The following SGCZ variants were observed in gnomAD, a reference collection of about 807,000 sequenced individuals.
The protein encoded by SGCZ is sarcoglycan zeta.
SGCZ carries 40 observed loss-of-function variants against 41.3 expected under a neutral mutation model. The observed-to-expected ratio is 0.97, with a 90% CI of 0.75 to 1.26. The LOEUF is 1.26. Among genes scored for constraint, SGCZ ranks in the 50% most tolerant of loss-of-function variants. SGCZ has a pLI of 0.00. For synonymous variants in SGCZ, 206 were observed against 137.5 expected, an observed-to-expected ratio of 1.50 and a Z score of -3.49; for missense variants, 552 against 369.8, an observed-to-expected ratio of 1.49 and a Z score of -4.04.
chr8:15,121,694 C>G (rs1807483132), intron 1 of SGCZ, among the ~76,000 whole-genome samples: 1 of 152,108 alleles, frequency 6.6e-6, no homozygotes, highest in Non-Finnish European at 1.5e-5. Flanking sequence ...CAGACACTCT[C>G]AAGTGAGGCT....
At position 14,955,734 on chromosome 8, in the gene SGCZ, G is replaced by T. The variant is rs1332956156; in HGVS notation, c.39+281851C>A. On this transcript the variant is annotated intron_variant, in intron 1 of 7. Transcript: ENST00000382080. ...ATCAAGACCTTTTTTTTCATTCACA[G>T]AAGTTTTCTAAATATTTTGGATATA... Among the ~76,000 whole-genome samples the T allele has an allele frequency of 3.9e-5, 6 of 151,964 alleles. No individual in the cohort carries two copies. In the East Asian group the frequency reaches 1.2e-3, roughly 29 times the overall value.
At position 15,070,746 on chromosome 8, in the gene SGCZ, G is replaced by A. The variant is rs191634728; in HGVS notation, c.39+166839C>T. Among the ~76,000 whole-genome samples, 10 of 152,250 alleles carry A rather than the reference G, an allele frequency of 6.6e-5. No homozygotes were observed. In the East Asian group the frequency reaches 1.5e-3, roughly 23 times the overall value. ...ACAGTTAACTTCTTTTAACTCCTTG[G>A]AAATACAAACAGGATATAGTCTTCT... On this transcript the variant is annotated intron_variant, in intron 1 of 7. Coordinates refer to ENST00000382080, the MANE Select transcript of SGCZ (RefSeq NM_139167.4).
At chr8:14,653,775 A>G (rs1223028406) in intron 1 of SGCZ, among the ~76,000 whole-genome samples, 1 of 152,056 alleles carries the variant, frequency 6.6e-6, no homozygotes, top group Non-Finnish European at 1.5e-5. Flanking sequence ...GAAAATCTCT[A>G]TCCAAAGTTA....
chr8:14,690,244 T>G (rs564691127), intron 1 of SGCZ: 9 of 152,166 alleles, frequency 5.9e-5, no homozygotes, highest in Admixed American at 3.3e-4. Context: ...ATAATTCGTA[T>G]ATCTTAAGTA....
At chr8:14,439,775 C>T (rs1197475023) in intron 2 of SGCZ, among the ~76,000 whole-genome samples, 2 of 151,876 alleles carry the variant, frequency 1.3e-5, no homozygotes, top group Non-Finnish European at 2.9e-5. Context: ...ACTACCTTAC[C>T]ATGATAAACA....
chr8:14,816,008 A>T (rs1316048092), intron 1 of SGCZ, among the ~76,000 whole-genome samples: 3 of 152,236 alleles, frequency 2.0e-5, no homozygotes, highest in Non-Finnish European at 4.4e-5. Flanking sequence ...ATCACTTTTT[A>T]AAAAATAAAA....
intron 4 of SGCZ, among the ~76,000 whole-genome samples, chr8:14,224,240 C>T (rs964272145): frequency 6.6e-6 from 1 of 152,164 alleles, no homozygotes; most frequent in Non-Finnish European, 1.5e-5. Flanking sequence ...TACAATTAAT[C>T]ATTACACTAG....
At chr8:14,646,360 T>C (rs766862342) in intron 1 of SGCZ, among the ~76,000 whole-genome samples, 13 of 150,700 alleles carry the variant, frequency 8.6e-5, no homozygotes, top group Admixed American at 2.7e-4. Flanking sequence ...GCTGCATCCA[T>C]GTTGCTGCAA....
chr8:14,673,924 A>C (rs559788137), intron 1 of SGCZ, among the ~76,000 whole-genome samples: 19 of 152,216 alleles, frequency 1.2e-4, no homozygotes, highest in Non-Finnish European at 2.2e-4. Flanking sequence ...AGTTTCATTG[A>C]TAAGAAGACG....
intron 2 of SGCZ, among the ~76,000 whole-genome samples, chr8:14,462,189 T>C (rs1800919751): frequency 6.6e-6 from 1 of 151,932 alleles, no homozygotes; most frequent in Non-Finnish European, 1.5e-5. Context: ...TAATTAGGAT[T>C]TGACATTAAG....
rs545522719 is a variant in SGCZ at position 14,242,157 on chromosome 8, A to C, written c.337-4478T>G. Reference sequence around the variant, plus strand: ...TGGTGTGACAGATATTTCCTTAAAAAAGCATTAGTAATATTGTTGAGAAGA... The same window carrying C: ...TGGTGTGACAGATATTTCCTTAAAACAGCATTAGTAATATTGTTGAGAAGA... On this transcript the variant is annotated intron_variant, in intron 3 of 7. Transcript: ENST00000382080. Among the ~76,000 whole-genome samples, 4 of 152,304 alleles carry C rather than the reference A, an allele frequency of 2.6e-5. No individual in the cohort carries two copies. In the South Asian group the frequency reaches 8.3e-4, roughly 32 times the overall value.
intron 1 of SGCZ, among the ~76,000 whole-genome samples, chr8:15,069,101 A>G (rs118188867): frequency 0.039 from 5,953 of 152,302 alleles, 150 homozygotes; most frequent in Non-Finnish European, 0.057. Context: ...TCATTTAATA[A>G]TCAAAGTCTT....
At chr8:14,232,489 T>C (rs944652057) in intron 4 of SGCZ, among the ~76,000 whole-genome samples, 4 of 152,088 alleles carry the variant, frequency 2.6e-5, no homozygotes, top group African/African-American at 9.6e-5. Context: ...GTCAGGCTTA[T>C]TTAAGCCCTA....
rs7838226 is a variant in SGCZ, at chr8:14,227,274, T to C, written c.424+10318A>G. 4.6e-5 allele frequency among the ~76,000 whole-genome samples: 7 copies of C among 151,796 alleles called. No homozygotes were observed. In the East Asian group the frequency reaches 1.2e-3, roughly 25 times the overall value. ...AGAATGCAAACAGTTTTCTTTATTC[T>C]AATTATGACATGAGAAAAGGTGATC... is the stretch of plus-strand genomic sequence containing the variant. On this transcript the variant is annotated intron_variant, in intron 4 of 7. Coordinates refer to ENST00000382080, the MANE Select transcript of SGCZ (RefSeq NM_139167.4).
chr8:14,796,206 G>C (rs1023019577), intron 1 of SGCZ, among the ~76,000 whole-genome samples: 1 of 152,192 alleles, frequency 6.6e-6, no homozygotes, highest in African/African-American at 2.4e-5. Flanking sequence ...GGAATTGCTG[G>C]ATTGAATGTT....
intron 3 of SGCZ, among the ~76,000 whole-genome samples, chr8:14,304,162 G>C (rs2116979684): frequency 6.6e-6 from 1 of 152,254 alleles, no homozygotes; most frequent in East Asian, 1.9e-4. Flanking sequence ...AAATATAGGT[G>C]CTGGATGTTG....
chr8:14,843,465 CTTG>C (rs1349679672), intron 1 of SGCZ, among the ~76,000 whole-genome samples: 1 of 152,086 alleles, frequency 6.6e-6, no homozygotes, highest in Non-Finnish European at 1.5e-5. Context: ...TGTCTGGAAT[CTTG>C]TTAAGTGCTT....
chr8:14,605,576 C>T (rs1384243973), intron 1 of SGCZ, among the ~76,000 whole-genome samples: 2 of 152,062 alleles, frequency 1.3e-5, no homozygotes, highest in Non-Finnish European at 1.5e-5. Flanking sequence ...CCCTGCCCAG[C>T]GTCTAGCAAC....
At position 14,377,280 on chromosome 8, in the gene SGCZ, T is replaced by C. The variant is rs990582699; in HGVS notation, c.235-53076A>G. On this transcript the variant is annotated intron_variant, in intron 2 of 7. Transcript: ENST00000382080. ...TACACAGTGGGGTTCAGAGGGCTTC[T>C]ACATTGGTGAACACATGGAGGTTTG... 2.6e-5 allele frequency among the ~76,000 whole-genome samples: 4 copies of C among 152,138 alleles called. No individual in the cohort carries two copies. In the South Asian group the frequency reaches 6.2e-4, roughly 24 times the overall value.
Sources: gnomAD v4.1 joint callset for allele counts (sites outside exome capture counted in the v4.1 genomes callset) on GRCh38, gnomAD v4.1.1 for gene constraint, MANE v1.5 for transcripts, NCBI Gene and HGNC (gene_info 2026-07-23, HGNC 2026-07-21) for gene names.